Variants in BRINP2 observed in about 807,000 individuals in gnomAD.
The protein encoded by BRINP2 is BMP/retinoic acid inducible neural specific 2.
In BRINP2, 21 loss-of-function variants were observed where a neutral mutation model predicts 69.2. The ratio of observed to expected loss-of-function variants is 0.30; its 90% CI spans 0.22 to 0.44. BRINP2 has a LOEUF of 0.44. Ranked by LOEUF, BRINP2 falls within the 20% of genes least tolerant of loss-of-function variation. BRINP2 has a pLI of 1.00. For missense variants in BRINP2, 877 were observed against 986.0 expected (o/e 0.89, Z 1.48); for synonymous variants, 380 against 394.1 (o/e 0.96, Z 0.42).
intron 2 of BRINP2, among the ~76,000 whole-genome samples, chr1:177,250,626 C>A (rs114333421): frequency 0.018 from 2,740 of 152,288 alleles, 79 homozygotes; most frequent in African/African-American, 0.063. Flanking sequence ...CGCCCGGCTG[C>A]CACTTGTATG....
intron 4 of BRINP2, among the ~76,000 whole-genome samples, chr1:177,264,609 G>C (rs958813439): frequency 6.6e-6 from 1 of 152,188 alleles, no homozygotes; most frequent in Non-Finnish European, 1.5e-5. Context: ...CTTTAGCAAA[G>C]TCTCAGGATA....
At chr1:177,269,237 A>G (rs1302731144) in intron 4 of BRINP2, among the ~76,000 whole-genome samples, 1 of 152,184 alleles carries the variant, frequency 6.6e-6, no homozygotes, top group Non-Finnish European at 1.5e-5. Flanking sequence ...ACCTGCTGAT[A>G]AATACTGTGA....
intron 1 of BRINP2, among the ~76,000 whole-genome samples, chr1:177,203,573 A>T (rs185800551): frequency 1.8e-3 from 267 of 151,614 alleles, no homozygotes; most frequent in African/African-American, 4.1e-3. Context: ...ATAAAAATTT[A>T]AAAAAAAAGA....
Position 177,229,829 on chromosome 1 carries a change from C to G in BRINP2, c.-48C>G. On this transcript the variant is annotated 5_prime_UTR_variant, in exon 2 of 8. Transcript: ENST00000361539. ...CGAGCCCTGGAGGAGCAGCACGGAGCGGGAGAGCGTGGCGAGAGAATGAAG... is the reference window on the plus strand; with the variant it reads ...CGAGCCCTGGAGGAGCAGCACGGAGGGGGAGAGCGTGGCGAGAGAATGAAG... The G allele has an allele frequency of 2.6e-6, 4 of 1,538,220 alleles. No homozygotes were observed. The highest frequency in any genetic ancestry group is 3.5e-6 in the Non-Finnish European group (4 of 1,138,138).
chr1:177,190,965 C>T (rs1279178852), intron 1 of BRINP2, among the ~76,000 whole-genome samples: 1 of 152,158 alleles, frequency 6.6e-6, no homozygotes, highest in African/African-American at 2.4e-5. Flanking sequence ...TTACATCATC[C>T]TTAACCAATA....
intron 1 of BRINP2, among the ~76,000 whole-genome samples, chr1:177,227,246 C>T (rs916052776): frequency 3.3e-5 from 5 of 152,208 alleles, no homozygotes; most frequent in Admixed American, 2.0e-4. Context: ...CCCGCATCCA[C>T]GCATTTCCAC....
At chr1:177,232,935 G>A (rs1490670510) in intron 2 of BRINP2, among the ~76,000 whole-genome samples, 1 of 152,210 alleles carries the variant, frequency 6.6e-6, no homozygotes, top group African/African-American at 2.4e-5. Context: ...ATAAGCGGAT[G>A]CACTGTGGTA....
chr1:177,264,290 G>A (rs1651053612), intron 4 of BRINP2, among the ~76,000 whole-genome samples: 1 of 151,946 alleles, frequency 6.6e-6, no homozygotes, highest in Non-Finnish European at 1.5e-5. Flanking sequence ...AATAAACTAG[G>A]TACTGATTTA....
At chr1:177,232,913 T>G (rs189804602) in intron 2 of BRINP2, among the ~76,000 whole-genome samples, 334 of 152,322 alleles carry the variant, frequency 2.2e-3, no homozygotes, top group African/African-American at 7.6e-3. Flanking sequence ...TAGCCACATG[T>G]GTCTTCCATT....
At chr1:177,212,085 ATAG>A (rs1301625447) in intron 1 of BRINP2, among the ~76,000 whole-genome samples, 37 of 150,488 alleles carry the variant, frequency 2.5e-4, no homozygotes, top group African/African-American at 9.0e-4. Context: ...AGATAGATAG[ATAG>A]ATAGATAGAT....
chr1:177,193,975 T>C (rs990334627), intron 1 of BRINP2, among the ~76,000 whole-genome samples: 3 of 152,226 alleles, frequency 2.0e-5, no homozygotes, highest in Non-Finnish European at 4.4e-5. Flanking sequence ...AATTGACAAG[T>C]AGAATTGGAA....
At chr1:177,210,044 A>C (rs1404242111) in intron 1 of BRINP2, among the ~76,000 whole-genome samples, 1 of 151,020 alleles carries the variant, frequency 6.6e-6, no homozygotes, top group East Asian at 2.0e-4. Context: ...GGTTGTTGGA[A>C]TAGAACAGTG....
chr1:177,280,637 C>A lies in BRINP2; in HGVS notation c.1461C>A (p.Ala487=), dbSNP rs1185773302. 20 of 1,614,182 alleles carry A rather than the reference C, an allele frequency of 1.2e-5. No individual in the cohort carries two copies. The highest frequency in any genetic ancestry group is 1.6e-5 in the Non-Finnish European group (19 of 1,180,016). ...GCTGCAACCCGGGCTATGTGCTGGCCCAGGGGCTGTGCCGGCCAGAGGTGG... is the reference window on the plus strand; with the variant it reads ...GCTGCAACCCGGGCTATGTGCTGGCACAGGGGCTGTGCCGGCCAGAGGTGG... The part of the protein sequence containing the change: ...CGSCNPGYVL[A]QGLCRPEVAE... The change falls in exon 8 of 8, where the codon GCC becomes GCA. Residue 487 remains alanine, a synonymous_variant. Coordinates refer to ENST00000361539, the MANE Select transcript of BRINP2 (RefSeq NM_021165.4).
chr1:177,278,822 A>G, intron 7 of BRINP2, 37 bp downstream of exon 7: 1 of 1,597,902 alleles, frequency 6.3e-7, no homozygotes, highest in African/African-American at 1.3e-5. Context: ...AGAGCTCAGC[A>G]CCTCCCCTGA....
intron 3 of BRINP2, chr1:177,256,874 A>T: frequency 8.3e-7 from 1 of 1,206,624 alleles, no homozygotes; most frequent in African/African-American, 1.6e-5. Flanking sequence ...GAGAGAGAGA[A>T]TTGTGTCTCC....
At chr1:177,273,711 C>G in intron 5 of BRINP2, 118 bp downstream of exon 5, 1 of 581,714 alleles carries the variant, frequency 1.7e-6, no homozygotes, top group Non-Finnish European at 3.0e-6. Context: ...TTTCTTAAGA[C>G]AAGAACTACC....
At chr1:177,215,094 TAC>T (rs1287579970) in intron 1 of BRINP2, among the ~76,000 whole-genome samples, 1 of 152,238 alleles carries the variant, frequency 6.6e-6, no homozygotes, top group Non-Finnish European at 1.5e-5. Context: ...ACTTCCATTC[TAC>T]ACTCTGCTTC....
At chr1:177,253,087 TGTTA>T (rs1650634288) in intron 2 of BRINP2, among the ~76,000 whole-genome samples, 1 of 152,196 alleles carries the variant, frequency 6.6e-6, no homozygotes, top group Non-Finnish European at 1.5e-5. Context: ...CTAGATCATA[TGTTA>T]GTTCTATTTT....
intron 5 of BRINP2, among the ~76,000 whole-genome samples, 158 bp from the exon 6 acceptor site, chr1:177,276,040 C>T (rs1019471734): frequency 2.6e-5 from 4 of 152,220 alleles, no homozygotes; most frequent in East Asian, 1.9e-4. Context: ...GCCTTCTCCC[C>T]CAACCAGCTC....
Sources: allele counts gnomAD v4.1 joint callset (sites outside exome capture counted in the v4.1 genomes callset), GRCh38; gene constraint gnomAD v4.1.1; transcripts MANE v1.5; gene names NCBI Gene and HGNC (gene_info 2026-07-23, HGNC 2026-07-21).